NDUFS7: variants seen among roughly 807,000 people sequenced by gnomAD.
NDUFS7 encodes NADH:ubiquinone oxidoreductase core subunit S7.
In NDUFS7, 11 loss-of-function variants were observed where a neutral mutation model predicts 31.1. That is an observed-to-expected ratio of 0.35 (90% CI 0.22 to 0.59). NDUFS7 has a LOEUF of 0.59. Ranked by LOEUF, NDUFS7 falls within the 20% of genes least tolerant of loss-of-function variation. The pLI is 0.79. For missense variants in NDUFS7, 263 were observed against 324.2 expected (o/e 0.81, Z 1.45); for synonymous variants, 136 against 127.9 (o/e 1.06, Z -0.43).
At position 1,393,479 on chromosome 19, in the gene NDUFS7, T is replaced by G; in HGVS notation, c.544+149T>G. ...ATGGGCCGACTCGGAGCGCTGCCTCTTAGTGGAGCCTGTCCCCTGTGAGAA... is the reference window on the plus strand; with the variant it reads ...ATGGGCCGACTCGGAGCGCTGCCTCGTAGTGGAGCCTGTCCCCTGTGAGAA... On this transcript the variant is annotated intron_variant, in intron 7 of 7. Transcript: ENST00000233627. The surrounding 1 kb of genome is among the most constrained non-coding windows in gnomAD (Gnocchi z 7.3). The G allele has an allele frequency of 1.4e-6, 1 of 713,532 alleles. No homozygotes were observed. Among genetic ancestry groups the G allele is most frequent in the South Asian group, 1.5e-5 (1 of 67,696 alleles). The allele number at this position is 713,532 out of a possible 1,614,324, so 44.2% of individuals were successfully genotyped here.
intron 4 of NDUFS7, chr19:1,389,168 T>C (rs1002580298): frequency 4.0e-5 from 28 of 693,866 alleles, no homozygotes; most frequent in African/African-American, 7.0e-5. Context: ...CATGCACACT[T>C]GCACACACAT....
chr19:1,388,968 G>C, intron 4 of NDUFS7, 30 bp downstream of exon 4: 1 of 1,552,238 alleles, frequency 6.4e-7, no homozygotes, highest in Non-Finnish European at 8.8e-7. Context: ...GGCCCTCCTC[G>C]AGCGCCAGGG....
At chr19:1,389,721 C>T (rs967502480) in intron 4 of NDUFS7, 2 of 348,550 alleles carry the variant, frequency 5.7e-6, no homozygotes, top group Non-Finnish European at 1.1e-5. Context: ...GTGCAGCTCC[C>T]TCCAGCTCCT....
At chr19:1,388,355 G>A in intron 2 of NDUFS7, 170 bp from the exon 3 acceptor site, 4 of 671,310 alleles carry the variant, frequency 6.0e-6, no homozygotes, top group South Asian at 5.1e-5. Flanking sequence ...TTGGGGGTCG[G>A]GGCGATGGCC....
chr19:1,388,935 C>G lies in NDUFS7; in HGVS notation c.225C>G (p.Arg75=). The G allele has an allele frequency of 6.2e-7, 1 of 1,604,024 alleles. No homozygotes were observed. The highest frequency in any genetic ancestry group is 1.1e-5 in the South Asian group (1 of 89,232). Residue 75 remains arginine, a synonymous_variant, in exon 4 of 8, where the codon CGC becomes CGG. Transcript: ENST00000233627. ...AKLDDLVNWA[R]RSSLWPMTFG... Reference sequence around the variant, plus strand: ...TGGATGACCTCGTCAACTGGGCCCGCCGGGTGAGTACTATGAGCTGTAGGC... The same window carrying G: ...TGGATGACCTCGTCAACTGGGCCCGGCGGGTGAGTACTATGAGCTGTAGGC...
intron 1 of NDUFS7, among the ~76,000 whole-genome samples, chr19:1,385,542 G>A (rs1226785114): frequency 7.2e-6 from 1 of 139,712 alleles, no homozygotes; most frequent in African/African-American, 2.7e-5. Context: ...AAACCAGCTG[G>A]GCGTGGTGGC....
intron 4 of NDUFS7, 145 bp downstream of exon 4, chr19:1,389,083 T>G: frequency 1.3e-6 from 1 of 761,652 alleles, no homozygotes; most frequent in South Asian, 1.5e-5. Context: ...GCATGCAAGC[T>G]CACATGTATG....
chr19:1,387,715 G>C, intron 1 of NDUFS7, 96 bp from the exon 2 acceptor site: 1 of 1,128,878 alleles, frequency 8.9e-7, no homozygotes, highest in Non-Finnish European at 1.3e-6. Context: ...ATCAGAGCTA[G>C]GCTGTGCGGG....
intron 7 of NDUFS7, chr19:1,394,885 C>T: frequency 8.9e-7 from 1 of 1,121,652 alleles, no homozygotes; most frequent in East Asian, 7.6e-5. Flanking sequence ...TGCGTGGCAG[C>T]CGGGACTGGG....
chr19:1,387,969 C>T, intron 2 of NDUFS7, 122 bp downstream of exon 2: 2 of 870,096 alleles, frequency 2.3e-6, no homozygotes, highest in Non-Finnish European at 3.6e-6. Context: ...ATGTTAGGGA[C>T]AGGATGCAGG....
At chr19:1,395,185 C>T (rs2082588005) in intron 7 of NDUFS7, 2 of 1,421,468 alleles carry the variant, frequency 1.4e-6, no homozygotes, top group African/African-American at 1.4e-5. Context: ...GCAGTGGGGC[C>T]TTGCCCAGGG....
At chr19:1,391,223 G>A (rs894010526) in intron 6 of NDUFS7, 58 bp downstream of exon 6, 130 of 1,574,230 alleles carry the variant, frequency 8.3e-5, no homozygotes, top group Non-Finnish European at 1.1e-4. Flanking sequence ...TGGCCTGGCC[G>A]TGCCCTGATG....
At chr19:1,388,360 A>G in intron 2 of NDUFS7, 165 bp from the exon 3 acceptor site, 1 of 685,180 alleles carries the variant, frequency 1.5e-6, no homozygotes, top group Non-Finnish European at 2.6e-6. Context: ...GGTCGGGGCG[A>G]TGGCCGCATG....
At chr19:1,388,038 T>C (rs2082521608) in intron 2 of NDUFS7, 191 bp downstream of exon 2, 1 of 666,976 alleles carries the variant, frequency 1.5e-6, no homozygotes, top group African/African-American at 1.8e-5. Flanking sequence ...GTCCACGCAG[T>C]GGCAAAGGCT....
In NDUFS7 at chr19:1,388,589, A is replaced by C. The variant is rs765623994; in HGVS notation, c.118A>C (p.Ser40Arg). 3 of 1,612,120 alleles carry C rather than the reference A, an allele frequency of 1.9e-6. No individual in the cohort carries two copies. Among genetic ancestry groups the C allele is most frequent in the African/African-American group, 2.7e-5 (2 of 75,006 alleles). Residue 40 changes from serine (S) to arginine (R), a missense_variant, in exon 3 of 8, where the codon AGC (serine) becomes CGC (arginine). By Grantham distance (110) the Ser-to-Arg change is moderately radical. Coordinates refer to ENST00000233627, the MANE Select transcript of NDUFS7 (RefSeq NM_024407.5). The stretch of plus-strand genomic sequence containing the variant: ...TCAGAGCGTGGCCACCGATGGCCCA[A>C]GCAGGTGAAGCTGGCCTTCTGGGGG... ...VHQSVATDGP[S>R]STQPALPKAR...
chr19:1,387,606 C>T, intron 1 of NDUFS7: 1 of 608,912 alleles, frequency 1.6e-6, no homozygotes, highest in African/African-American at 1.8e-5. Flanking sequence ...GTTTGGGTTC[C>T]TTCCGGGGCC....
chr19:1,394,081 C>T (rs866544900), intron 7 of NDUFS7: 4 of 313,134 alleles, frequency 1.3e-5, no homozygotes, highest in South Asian at 2.7e-5. Context: ...GTGCTGCGTG[C>T]GGCATTAGCT....
chr19:1,395,342 C>T, intron 7 of NDUFS7, 49 bp from the exon 8 acceptor site: 2 of 1,570,568 alleles, frequency 1.3e-6, no homozygotes, highest in East Asian at 2.3e-5. Context: ...TGCACGCGGT[C>T]ACGCGGGCTC....
intron 7 of NDUFS7, chr19:1,394,697 G>A (rs1190784046): frequency 3.3e-5 from 39 of 1,199,964 alleles, no homozygotes; most frequent in Non-Finnish European, 3.7e-5. Flanking sequence ...CCCTCCCTGC[G>A]GACTGTGCTT....
Sources: gnomAD v4.1 joint callset for allele counts (sites outside exome capture counted in the v4.1 genomes callset) on GRCh38, gnomAD v4.1.1 for gene constraint, Gnocchi (gnomAD v3.1) non-coding constraint, MANE v1.5 for transcripts, NCBI Gene and HGNC (gene_info 2026-07-23, HGNC 2026-07-21) for gene names.